JAKMIP3: variants seen among roughly 807,000 people sequenced by gnomAD.
The protein encoded by JAKMIP3 is janus kinase and microtubule-interacting protein 3.
JAKMIP3 carries 58 observed loss-of-function variants against 118.5 expected under a neutral mutation model. That is an observed-to-expected ratio of 0.49 (90% CI 0.40 to 0.61). The LOEUF (loss-of-function observed/expected upper bound fraction) is 0.61. JAKMIP3 is among the 20% of genes least tolerant of loss of function. The pLI is 0.00. For synonymous variants in JAKMIP3, 486 were observed against 451.2 expected, an observed-to-expected ratio of 1.08 and a Z score of -0.98; for missense variants, 950 against 1,109.0, an observed-to-expected ratio of 0.86 and a Z score of 2.04.
chr10:132,142,456 T>C lies in JAKMIP3; in HGVS notation c.1602+408T>C, dbSNP rs188317243. ...GTGGAGGTCATTCATCCTCAAAGGC[T>C]GAGCTCACACAGGCTGTGCCTGCCC... On this transcript the variant is annotated intron_variant, in intron 11 of 23. Transcript: ENST00000684848. Among the ~76,000 whole-genome samples the C allele has an allele frequency of 5.2e-3, 789 of 151,582 alleles. 8 individuals carry two copies. The highest frequency in any genetic ancestry group is 0.018 in the African/African-American group (748 of 40,970).
In JAKMIP3 at chr10:132,133,560, G is replaced by GGTGTC. The variant is rs2051086312; in HGVS notation, c.849+33_849+34insGTGTC. ...CCTCCCAGGCCCACCGGCCCACCCC[G>GGTGTC]TGTCACAGACAGACCTGGCCATGTG... On this transcript the variant is annotated intron_variant, in intron 4 of 23. Coordinates refer to ENST00000684848, the MANE Select transcript of JAKMIP3 (RefSeq NM_001323087.2). The GGTGTC allele has an allele frequency of 2.0e-6, 3 of 1,536,442 alleles. No individual in the cohort carries two copies. In the African/African-American group the frequency reaches 4.1e-5, roughly 21 times the overall value.
intron 1 of JAKMIP3, among the ~76,000 whole-genome samples, chr10:132,054,039 C>CAAA (rs5789112): frequency 2.0e-5 from 2 of 100,598 alleles, no homozygotes; most frequent in Non-Finnish European, 2.0e-5. Flanking sequence ...GACTCTGTCT[C>CAAA]AAAAAAAAAA....
chr10:132,133,392 A>G lies in JAKMIP3; in HGVS notation c.714A>G (p.Arg238=), dbSNP rs940423271. ...ELGVQAGHAQ[R]LQLQKEALDE... is the part of the protein sequence containing the mutation. ...GGGTTCAAGCCGGGCATGCTCAGAG[A>G]CTGCAGCTCCAAAAAGAGGCTCTAG... is the stretch of plus-strand genomic sequence containing the variant. The change falls in exon 4 of 24, where the codon AGA becomes AGG. Residue 238 remains arginine (R), a synonymous_variant. Transcript: ENST00000684848. 1.2e-6 allele frequency: 2 copies of G among 1,601,900 alleles called. No homozygotes were observed. Among genetic ancestry groups the G allele is most frequent in the African/African-American group, 2.7e-5 (2 of 74,646 alleles).
At chr10:132,142,401 G>A (rs900608194) in intron 11 of JAKMIP3, among the ~76,000 whole-genome samples, 1 of 152,198 alleles carries the variant, frequency 6.6e-6, no homozygotes, top group African/African-American at 2.4e-5. Flanking sequence ...GCGATGGCCC[G>A]TGGCAGCATC....
intron 1 of JAKMIP3, among the ~76,000 whole-genome samples, chr10:132,037,527 G>A (rs1564846224): frequency 6.6e-6 from 1 of 152,182 alleles, no homozygotes; most frequent in African/African-American, 2.4e-5. Flanking sequence ...CGGGTGGGTG[G>A]CAGGAGGAGA....
At chr10:132,103,803 C>T (rs2045484944) in intron 1 of JAKMIP3, among the ~76,000 whole-genome samples, 1 of 152,012 alleles carries the variant, frequency 6.6e-6, no homozygotes, top group African/African-American at 2.4e-5. Flanking sequence ...TATTTACGGC[C>T]ACTCCCCTTG....
intron 1 of JAKMIP3, among the ~76,000 whole-genome samples, chr10:132,068,694 G>C (rs1589739949): frequency 1.3e-5 from 2 of 152,166 alleles, no homozygotes; most frequent in African/African-American, 4.8e-5. Flanking sequence ...TATCAAACCT[G>C]TGCTGCAGGC....
At chr10:132,165,270 T>C (rs896154637) in intron 21 of JAKMIP3, among the ~76,000 whole-genome samples, 1 of 152,146 alleles carries the variant, frequency 6.6e-6, no homozygotes, top group Admixed American at 6.5e-5. Flanking sequence ...GCTCTGTCCA[T>C]GCACATAACA....
chr10:132,106,968 C>T (rs1189019461), intron 2 of JAKMIP3, among the ~76,000 whole-genome samples: 1 of 152,110 alleles, frequency 6.6e-6, no homozygotes, highest in Non-Finnish European at 1.5e-5. Flanking sequence ...ACTACAGCCT[C>T]GACCTCCTGG....
exon 1 of JAKMIP3, among the ~76,000 whole-genome samples, chr10:132,036,722 G>C (rs928039201): frequency 2.0e-5 from 3 of 150,826 alleles, no homozygotes; most frequent in Non-Finnish European, 3.0e-5. Context: ...GCCCAGAGTC[G>C]CTCGCGGGGA....
chr10:132,082,947 A>G (rs1374862531), intron 1 of JAKMIP3, among the ~76,000 whole-genome samples: 1 of 152,206 alleles, frequency 6.6e-6, no homozygotes, highest in Admixed American at 6.5e-5. Flanking sequence ...ATTGATGGGC[A>G]TTTGGGTTGG....
intron 1 of JAKMIP3, among the ~76,000 whole-genome samples, chr10:132,077,508 C>T (rs1004556598): frequency 2.6e-5 from 4 of 152,228 alleles, no homozygotes; most frequent in African/African-American, 7.2e-5. Flanking sequence ...GGTTTGTCAC[C>T]ATTTGGAATT....
chr10:132,134,923 T>G, intron 4 of JAKMIP3, 118 bp from the exon 5 acceptor site: 24 of 1,251,968 alleles, frequency 1.9e-5, no homozygotes, highest in Non-Finnish European at 2.5e-5. Flanking sequence ...GGCAGCCGCG[T>G]GGAGGTAAAG....
In JAKMIP3 at chr10:132,145,570, T is replaced by A. The variant is rs2054436259; in HGVS notation, c.1739T>A (p.Leu580His). 1.3e-6 allele frequency: 2 copies of A among 1,563,552 alleles called. No individual in the cohort carries two copies. Among genetic ancestry groups the A allele is most frequent in the Admixed American group, 3.8e-5 (2 of 52,390 alleles). ...GCACTGTACCGGAGAAATCAAGAGC[T>A]TGTGGAAAAGGTGAGCCCCGAACCC... ...KQALYRRNQE[L>H]VEKIKQMETE... Residue 580 changes from leucine to histidine, a missense_variant, in exon 13 of 24, where the codon CTT becomes CAT. By Grantham distance (99) the Leu-to-His change is moderately conservative (BLOSUM62 -3). Transcript: ENST00000684848.
At chr10:132,161,189 T>TC (rs1388502354) in intron 19 of JAKMIP3, among the ~76,000 whole-genome samples, 1 of 11,830 alleles carries the variant, frequency 8.5e-5, no homozygotes, top group Non-Finnish European at 2.2e-4. Flanking sequence ...GGGGGGTCTC[T>TC]TCCTGTGTGA....
At chr10:132,113,145 C>T (rs959139202) in intron 2 of JAKMIP3, among the ~76,000 whole-genome samples, 2 of 152,174 alleles carry the variant, frequency 1.3e-5, no homozygotes, top group Admixed American at 1.3e-4. Context: ...ATTTGCACCT[C>T]CCAGGATTCT....
chr10:132,058,018 C>T (rs73395730), intron 1 of JAKMIP3, among the ~76,000 whole-genome samples: 30 of 152,326 alleles, frequency 2.0e-4, no homozygotes, highest in Middle Eastern at 3.4e-3. Flanking sequence ...CGGCCCCTGA[C>T]GACTCAAGTC....
At chr10:132,061,048 A>G (rs941544094), upstream of JAKMIP3, among the ~76,000 whole-genome samples, 2 of 152,216 alleles carry the variant, frequency 1.3e-5, no homozygotes, top group Non-Finnish European at 1.5e-5. Flanking sequence ...ACAAGAGAAT[A>G]TAGAAACAAA....
At position 132,153,750 on chromosome 10, in the gene JAKMIP3, TG is replaced by T; in HGVS notation, c.2074-8del. On this transcript the variant is annotated splice_region_variant and splice_polypyrimidine_tract_variant and intron_variant, in intron 17 of 23. Transcript: ENST00000684848. ...GGGTCACTGTCCTGCTTGTTCTGTT[TG>T]TGTCCAGTGGCTCCAGCAGATTGAG... 6.2e-7 allele frequency: 1 copy of T among 1,612,922 alleles called. No homozygotes were observed. Among genetic ancestry groups the T allele is most frequent in the Non-Finnish European group, 8.5e-7 (1 of 1,179,684 alleles).
Sources: gnomAD v4.1 joint callset for allele counts (sites outside exome capture counted in the v4.1 genomes callset) on GRCh38, gnomAD v4.1.1 for gene constraint, MANE v1.5 for transcripts, NCBI Gene and HGNC (gene_info 2026-07-23, HGNC 2026-07-21) for gene names.